DPF3: variants seen among roughly 807,000 people sequenced by gnomAD.
DPF3 encodes double PHD fingers 3.
DPF3 carries 18 observed loss-of-function variants against 56.8 expected under a neutral mutation model. The ratio of observed to expected loss-of-function variants is 0.32; its 90% CI spans 0.22 to 0.47. The LOEUF (loss-of-function observed/expected upper bound fraction) is 0.47, where lower values mean the gene tolerates loss of function less well. Among genes scored for constraint, DPF3 ranks in the 20% least tolerant of loss-of-function variants. DPF3 has a pLI of 1.00. For synonymous variants in DPF3, 188 were observed against 180.2 expected (o/e 1.04, Z -0.35); for missense variants, 403 against 488.8 (o/e 0.82, Z 1.65).
intron 8 of DPF3, among the ~76,000 whole-genome samples, chr14:72,664,033 C>T (rs541766102): frequency 2.6e-4 from 39 of 152,220 alleles, no homozygotes; most frequent in Non-Finnish European, 2.9e-4. Flanking sequence ...CTTTCTGATC[C>T]GCTTTGCTGG....
Position 72,861,743 on chromosome 14 carries a change from GAAAGAA to G in DPF3, c.32+32308_32+32313del, listed in dbSNP as rs1192966646. Among the ~76,000 whole-genome samples the G allele has an allele frequency of 1.5e-3, 173 of 114,108 alleles. 3 individuals carry two copies. Among genetic ancestry groups the G allele is most frequent in the African/African-American group, 5.6e-3 (158 of 28,310 alleles). 74.9% of individuals were successfully genotyped at this position (114,108 alleles called of 152,430 possible). On this transcript the variant is annotated intron_variant, in intron 1 of 10. Coordinates refer to ENST00000556509, the MANE Select transcript of DPF3 (RefSeq NM_001280542.3). ...AGAGAGAGAAAGAAAGAAAGAGAAA[GAAAGAA>G]AGAAAGAAAGAAAGAAAGAAAGAAA...
At chr14:72,657,631 C>T (rs1181938507) in intron 8 of DPF3, among the ~76,000 whole-genome samples, 1 of 151,958 alleles carries the variant, frequency 6.6e-6, no homozygotes, top group Non-Finnish European at 1.5e-5. Context: ...CTATTACCAC[C>T]ACCACCACCA....
At chr14:72,764,851 A>G (rs977395323) in intron 2 of DPF3, among the ~76,000 whole-genome samples, 1 of 152,228 alleles carries the variant, frequency 6.6e-6, no homozygotes, top group African/African-American at 2.4e-5. Context: ...ACCTCCATTT[A>G]TAGCCCATAG....
In DPF3 at chr14:72,629,666, T is replaced by A. The variant is rs537657229; in HGVS notation, c.942A>T (p.Ile314=). The change falls in exon 9 of 11, where the codon ATA becomes ATT. Residue 314 remains isoleucine, a synonymous_variant. Transcript: ENST00000556509. ...EAVKTYKWQC[I]ECKSCILCGT... ...CACAGAGGATACAGGATTTGCACTC[T>A]ATGCACTGCCACTTGTAGGTCTTGA... 11 of 1,536,124 alleles carry A rather than the reference T, an allele frequency of 7.2e-6. No homozygotes were observed. In the East Asian group the frequency reaches 2.7e-4, roughly 38 times the overall value.
chr14:72,812,373 G>A (rs1427522820), intron 1 of DPF3, among the ~76,000 whole-genome samples: 2 of 152,138 alleles, frequency 1.3e-5, no homozygotes, highest in African/African-American at 4.8e-5. Flanking sequence ...CCTCCCAACT[G>A]ACTGCCACTG....
At chr14:72,837,753 G>A (rs1195188083) in intron 1 of DPF3, among the ~76,000 whole-genome samples, 1 of 151,876 alleles carries the variant, frequency 6.6e-6, no homozygotes, top group African/African-American at 2.4e-5. Flanking sequence ...AATAAAAAAA[G>A]AAAAGAAAGA....
intron 9 of DPF3, among the ~76,000 whole-genome samples, chr14:72,622,103 G>A (rs1285778228): frequency 6.6e-6 from 1 of 152,208 alleles, no homozygotes; most frequent in Non-Finnish European, 1.5e-5. Flanking sequence ...TCATGGAGAA[G>A]TGTCCATGAA....
intron 1 of DPF3, among the ~76,000 whole-genome samples, chr14:72,831,889 C>G (rs1376234988): frequency 6.6e-6 from 1 of 152,114 alleles, no homozygotes; most frequent in Non-Finnish European, 1.5e-5. Context: ...TCTATTTTCA[C>G]AACTTTTCAG....
intron 7 of DPF3, among the ~76,000 whole-genome samples, chr14:72,677,179 G>T (rs1174567169): frequency 6.6e-6 from 1 of 151,986 alleles, no homozygotes; most frequent in Non-Finnish European, 1.5e-5. Context: ...GCCAGCTGGG[G>T]TGTGGAGGTA....
chr14:72,662,171 C>A (rs1886244368), intron 8 of DPF3: 1 of 985,260 alleles, frequency 1.0e-6, no homozygotes, highest in Admixed American at 6.2e-5. Context: ...ACTGAGCACT[C>A]CTCACTTACC....
chr14:72,695,845 TTAAAA>T (rs1887878645), intron 6 of DPF3, among the ~76,000 whole-genome samples: 1 of 152,092 alleles, frequency 6.6e-6, no homozygotes, highest in Non-Finnish European at 1.5e-5. Flanking sequence ...AAATAAAAAA[TTAAAA>T]TAAATAGGCC....
chr14:72,760,285 A>G (rs920560197), intron 2 of DPF3, among the ~76,000 whole-genome samples: 17 of 152,242 alleles, frequency 1.1e-4, no homozygotes, highest in African/African-American at 3.4e-4. Flanking sequence ...CGCCTGACCG[A>G]CATGGAGAAA....
chr14:72,854,659 T>C (rs1275197232), intron 1 of DPF3, among the ~76,000 whole-genome samples: 1 of 152,228 alleles, frequency 6.6e-6, no homozygotes, highest in Non-Finnish European at 1.5e-5. Flanking sequence ...AATCAGTGGC[T>C]TGGAATTCGA....
intron 5 of DPF3, among the ~76,000 whole-genome samples, chr14:72,716,626 A>G (rs1888940220): frequency 6.6e-6 from 1 of 152,142 alleles, no homozygotes; most frequent in Non-Finnish European, 1.5e-5. Flanking sequence ...AGAGACAAAC[A>G]TGGTGGAGAC....
chr14:72,611,074 C>A lies in DPF3; in HGVS notation c.*8223G>T, dbSNP rs1335791986. Among the ~76,000 whole-genome samples, 4 of 152,324 alleles carry A rather than the reference C, an allele frequency of 2.6e-5. No homozygotes were observed. The East Asian group carries it at 7.7e-4, about 29-fold the overall frequency. On this transcript the variant is annotated 3_prime_UTR_variant, in exon 11 of 11. Coordinates refer to ENST00000556509, the MANE Select transcript of DPF3 (RefSeq NM_001280542.3). ...CACCAGAATTCTCCTCACTGGGAGT[C>A]ATGTGCCATCCAGGGCCCCAGAGGA... is the stretch of plus-strand genomic sequence containing the variant.
chr14:72,620,051 C>G, intron 9 of DPF3, 67 bp from the exon 10 acceptor site: 4 of 1,428,520 alleles, frequency 2.8e-6, no homozygotes, highest in Non-Finnish European at 3.7e-6. Context: ...GTCTGGCCCC[C>G]GCTTACCCAT....
intron 2 of DPF3, among the ~76,000 whole-genome samples, chr14:72,767,256 C>G (rs2139933808): frequency 1.3e-5 from 2 of 152,276 alleles, no homozygotes; most frequent in South Asian, 4.1e-4. Flanking sequence ...GTCCAAGATT[C>G]AGTCAAAGCC....
At position 72,637,352 on chromosome 14, in the gene DPF3, T is replaced by C. The variant is rs77227741; in HGVS notation, c.872-7616A>G. On this transcript the variant is annotated intron_variant, in intron 8 of 10. Transcript: ENST00000556509. Reference sequence around the variant, plus strand: ...ATTTATACAATTTACTCGACTCAACTTGGGGCCAATGCACAGCACTAGGAA... The same window carrying C: ...ATTTATACAATTTACTCGACTCAACCTGGGGCCAATGCACAGCACTAGGAA... 8.5e-3 allele frequency among the ~76,000 whole-genome samples: 1,298 copies of C among 152,328 alleles called. 19 individuals are homozygous for C. Among genetic ancestry groups the C allele is most frequent in the African/African-American group, 0.029 (1,225 of 41,570 alleles).
At chr14:72,803,001 C>A (rs1196115100) in intron 1 of DPF3, among the ~76,000 whole-genome samples, 1 of 152,234 alleles carries the variant, frequency 6.6e-6, no homozygotes, top group African/African-American at 2.4e-5. Flanking sequence ...CCCACCTCTC[C>A]ACCTACCCGC....
Sources: gnomAD v4.1 joint callset for allele counts (sites outside exome capture counted in the v4.1 genomes callset) on GRCh38, gnomAD v4.1.1 for gene constraint, MANE v1.5 for transcripts, NCBI Gene and HGNC (gene_info 2026-07-23, HGNC 2026-07-21) for gene names.